Variants in VAV3 observed in about 807,000 individuals in gnomAD.
VAV3 encodes the protein vav guanine nucleotide exchange factor 3, also known as guanine nucleotide exchange factor VAV3.
VAV3 carries 94 observed loss-of-function variants against 131.2 expected under a neutral mutation model. The observed-to-expected ratio is 0.72, with a 90% CI of 0.61 to 0.85. VAV3 has a LOEUF of 0.85. VAV3 is among the 40% of genes least tolerant of loss of function. The pLI, the probability that VAV3 is intolerant of heterozygous loss-of-function variation, is 0.00. For missense variants in VAV3, 939 were observed against 1,002.7 expected (o/e 0.94, Z 0.86); for synonymous variants, 349 against 342.0 (o/e 1.02, Z -0.22).
intron 1 of VAV3, among the ~76,000 whole-genome samples, chr1:107,918,864 C>T (rs1672754080): frequency 6.6e-6 from 1 of 151,634 alleles, no homozygotes; most frequent in Non-Finnish European, 1.5e-5. Flanking sequence ...CACCACCATG[C>T]CCAGCTAATT....
At chr1:107,726,522 T>C (rs890656338) in intron 15 of VAV3, among the ~76,000 whole-genome samples, 1 of 151,734 alleles carries the variant, frequency 6.6e-6, no homozygotes, top group Non-Finnish European at 1.5e-5. Flanking sequence ...AATAACGCTC[T>C]GGCTTCTTGT....
At chr1:107,888,500 G>A (rs570843403) in intron 1 of VAV3, among the ~76,000 whole-genome samples, 19 of 152,050 alleles carry the variant, frequency 1.2e-4, no homozygotes, top group African/African-American at 3.4e-4. Flanking sequence ...CTCTTGCTGC[G>A]CAGGCTGGAG....
At position 107,603,177 on chromosome 1, in the gene VAV3, T is replaced by C. The variant is rs1368053565; in HGVS notation, c.2016-14A>G. The C allele has an allele frequency of 1.2e-6, 2 of 1,604,162 alleles. No individual in the cohort carries two copies. Among genetic ancestry groups the C allele is most frequent in the East Asian group, 2.2e-5 (1 of 44,720 alleles). On this transcript the variant is annotated splice_polypyrimidine_tract_variant and intron_variant, in intron 22 of 26. Coordinates refer to ENST00000370056, the MANE Select transcript of VAV3 (RefSeq NM_006113.5). ...GCTCCAGCATACCTGTAAAAAACAA[T>C]GACACAGAAAATTTGGATAATATAC...
intron 17 of VAV3, among the ~76,000 whole-genome samples, chr1:107,692,918 T>G (rs1659515769): frequency 6.6e-6 from 1 of 152,158 alleles, no homozygotes; most frequent in African/African-American, 2.4e-5. Flanking sequence ...ACTGAGAGGA[T>G]GCAAAGCAAG....
intron 1 of VAV3, among the ~76,000 whole-genome samples, chr1:107,961,839 C>T (rs954043171): frequency 6.6e-6 from 1 of 152,154 alleles, no homozygotes; most frequent in Non-Finnish European, 1.5e-5. Context: ...AAGATTCAAA[C>T]CTATAATTGA....
At chr1:107,694,137 C>A (rs144646423) in intron 17 of VAV3, among the ~76,000 whole-genome samples, 229 of 152,282 alleles carry the variant, frequency 1.5e-3, no homozygotes, top group African/African-American at 4.5e-3. Context: ...TTAGTTACCA[C>A]AGAACAGCCT....
At chr1:107,591,695 G>A (rs1009642953) in intron 25 of VAV3, among the ~76,000 whole-genome samples, 1 of 152,102 alleles carries the variant, frequency 6.6e-6, no homozygotes, top group Non-Finnish European at 1.5e-5. Flanking sequence ...AGCAAGGAGA[G>A]CAAAAGGAAT....
intron 1 of VAV3, among the ~76,000 whole-genome samples, chr1:107,932,124 A>G (rs770103040): frequency 2.6e-5 from 4 of 152,188 alleles, no homozygotes; most frequent in Non-Finnish European, 4.4e-5. Flanking sequence ...TGGCATGTCA[A>G]TTGGTTCATT....
chr1:107,623,891 G>GT (rs1653793370), intron 20 of VAV3, among the ~76,000 whole-genome samples: 1 of 152,152 alleles, frequency 6.6e-6, no homozygotes. Context: ...CTCTTGTAAA[G>GT]TGGCTGTCAT....
intron 1 of VAV3, chr1:107,964,453 G>C (rs1675314308): frequency 1.9e-6 from 1 of 516,562 alleles, no homozygotes; most frequent in Non-Finnish European, 3.4e-6. Flanking sequence ...CACCATCTCC[G>C]GACGCAAAGC....
At chr1:107,718,801 A>G (rs1661292870) in intron 15 of VAV3, among the ~76,000 whole-genome samples, 2 of 152,218 alleles carry the variant, frequency 1.3e-5, no homozygotes, top group African/African-American at 4.8e-5. Flanking sequence ...ACCTGACTTC[A>G]AACTATACTA....
chr1:107,851,788 T>C (rs1487983375), intron 2 of VAV3, among the ~76,000 whole-genome samples: 1 of 152,226 alleles, frequency 6.6e-6, no homozygotes, highest in African/African-American at 2.4e-5. Flanking sequence ...TCAGCAAATA[T>C]ATGAATCTAC....
intron 15 of VAV3, among the ~76,000 whole-genome samples, chr1:107,747,725 G>A (rs1014614151): frequency 3.9e-5 from 6 of 152,136 alleles, no homozygotes; most frequent in Non-Finnish European, 7.3e-5. Context: ...GCTGTGAGAG[G>A]TTAAATAACT....
Position 107,722,436 on chromosome 1 carries a change from A to C in VAV3, c.1503-17375T>G, listed in dbSNP as rs949359918. On this transcript the variant is annotated intron_variant, in intron 15 of 26. Coordinates refer to ENST00000370056, the MANE Select transcript of VAV3 (RefSeq NM_006113.5). Reference sequence around the variant, plus strand: ...AAGCATACAGAAAGTAAAACTCCTAAGACAAAAATTGGAACAGCCTTGCTG... The same window carrying C: ...AAGCATACAGAAAGTAAAACTCCTACGACAAAAATTGGAACAGCCTTGCTG... Among the ~76,000 whole-genome samples, 110 of 152,320 alleles carry C rather than the reference A, an allele frequency of 7.2e-4. 1 individual carries two copies. The highest frequency in any genetic ancestry group is 2.6e-3 in the African/African-American group (110 of 41,574).
At chr1:107,927,041 C>A (rs1312060472) in intron 1 of VAV3, among the ~76,000 whole-genome samples, 1 of 152,200 alleles carries the variant, frequency 6.6e-6, no homozygotes, top group Non-Finnish European at 1.5e-5. Context: ...AAAGAGAATC[C>A]TTCCCTTTGC....
At chr1:107,916,824 A>G (rs964709876) in intron 1 of VAV3, among the ~76,000 whole-genome samples, 2 of 152,182 alleles carry the variant, frequency 1.3e-5, no homozygotes, top group Non-Finnish European at 2.9e-5. Flanking sequence ...AGGAAGAACA[A>G]TGTCACAAGA....
intron 19 of VAV3, among the ~76,000 whole-genome samples, chr1:107,649,951 TAGAAAG>T (rs1656031475): frequency 6.6e-6 from 1 of 152,016 alleles, no homozygotes; most frequent in African/African-American, 2.4e-5. Flanking sequence ...AAGAACCACT[TAGAAAG>T]AGATTCTGGA....
At chr1:107,910,742 G>T (rs936185882) in intron 1 of VAV3, among the ~76,000 whole-genome samples, 2 of 152,020 alleles carry the variant, frequency 1.3e-5, no homozygotes, top group African/African-American at 4.8e-5. Context: ...AACTTTGGGA[G>T]GCCAAGGCAG....
At position 107,580,307 on chromosome 1, in the gene VAV3, T is replaced by G. The variant is rs1343941068; in HGVS notation, c.2351-6109A>C. On this transcript the variant is annotated intron_variant, in intron 25 of 26. Transcript: ENST00000370056. ...GCTCACTTAAACTGCTCCATAAGAC[T>G]TCCAACAAAGGCCAGCAAAACACCA... 2.0e-5 allele frequency among the ~76,000 whole-genome samples: 3 copies of G among 152,128 alleles called. No individual in the cohort carries two copies. In the East Asian group the frequency reaches 5.8e-4, roughly 29 times the overall value.
Sources: gnomAD v4.1 joint callset for allele counts (sites outside exome capture counted in the v4.1 genomes callset) on GRCh38, gnomAD v4.1.1 for gene constraint, MANE v1.5 for transcripts, NCBI Gene and HGNC (gene_info 2026-07-23, HGNC 2026-07-21) for gene names.